Variants in OPHN1 observed in about 807,000 individuals in gnomAD.
OPHN1 encodes the protein oligophrenin-1.
OPHN1 carries 11 observed loss-of-function variants against 60.7 expected under a neutral mutation model. The ratio of observed to expected loss-of-function variants is 0.18; its 90% CI spans 0.11 to 0.30. The LOEUF is 0.30. OPHN1 is among the 10% of genes least tolerant of loss of function. The pLI is 1.00. For synonymous variants in OPHN1, 226 were observed against 222.6 expected (o/e 1.02, Z -0.14); for missense variants, 449 against 611.0 (o/e 0.73, Z 2.80).
At chrX:68,237,038 T>C (rs992513142) in intron 5 of OPHN1, among the ~76,000 whole-genome samples, 3 of 112,142 alleles carry the variant, frequency 2.7e-5, no homozygotes, top group African/African-American at 9.7e-5. Flanking sequence ...CAGGCTGGAG[T>C]GCAGCAGTGC....
At chrX:68,114,321 T>C (rs1231413116) in intron 16 of OPHN1, among the ~76,000 whole-genome samples, 1 of 111,554 alleles carries the variant, frequency 9.0e-6, no homozygotes, top group South Asian at 3.8e-4. Flanking sequence ...AACTGAGGCC[T>C]AGAGAAGTTA....
intron 21 of OPHN1, among the ~76,000 whole-genome samples, chrX:68,056,938 T>C (rs1367344030): frequency 8.9e-6 from 1 of 111,848 alleles, no homozygotes; most frequent in African/African-American, 3.3e-5. Context: ...ACTGGCAAAA[T>C]TTTTTTAGCT....
intron 2 of OPHN1, among the ~76,000 whole-genome samples, chrX:68,328,310 A>G (rs1161157385): frequency 9.3e-6 from 1 of 107,372 alleles, no homozygotes; most frequent in Non-Finnish European, 1.9e-5. Flanking sequence ...TTGTATTTTT[A>G]GTAGAGACAG....
intron 11 of OPHN1, among the ~76,000 whole-genome samples, chrX:68,200,313 T>C (rs1941449681): frequency 9.0e-6 from 1 of 111,553 alleles, no homozygotes; most frequent in Non-Finnish European, 1.9e-5. Flanking sequence ...CATTCTAGGA[T>C]AAGAAAAAAA....
At chrX:68,206,785 C>A in intron 9 of OPHN1, 112 bp from the exon 10 acceptor site, 1 of 594,218 alleles carries the variant, frequency 1.7e-6, no homozygotes, top group Non-Finnish European at 2.8e-6. Context: ...AACTTCAGAT[C>A]CAGCCCTGCC....
At chrX:68,260,907 C>T (rs184554640) in intron 5 of OPHN1, among the ~76,000 whole-genome samples, 1 of 111,784 alleles carries the variant, frequency 8.9e-6, no homozygotes, top group East Asian at 2.8e-4. Context: ...ACACCTTTGT[C>T]TTCATCTACA....
At chrX:68,218,174 T>G (rs1313980673) in intron 6 of OPHN1, among the ~76,000 whole-genome samples, 19 of 97,078 alleles carry the variant, frequency 2.0e-4, no homozygotes, top group African/African-American at 6.5e-4. Context: ...GAAGAAAGGG[T>G]ATCAGCGATG....
At chrX:68,392,411 G>C (rs1178181335) in intron 2 of OPHN1, among the ~76,000 whole-genome samples, 2 of 110,677 alleles carry the variant, frequency 1.8e-5, no homozygotes, top group Non-Finnish European at 3.8e-5. Flanking sequence ...AAAGTTATAA[G>C]GAGATTTTTT....
chrX:68,057,443 CAGTAATTGTAA>C (rs1453768672), intron 21 of OPHN1, among the ~76,000 whole-genome samples: 2 of 111,026 alleles, frequency 1.8e-5, no homozygotes, highest in African/African-American at 6.6e-5. Flanking sequence ...GAGGGGAAGG[CAGTAATTGTAA>C]AGAAATGATA....
At chrX:68,345,107 A>G (rs1336802012) in intron 2 of OPHN1, among the ~76,000 whole-genome samples, 3 of 112,347 alleles carry the variant, frequency 2.7e-5, no homozygotes, top group Non-Finnish European at 5.6e-5. Flanking sequence ...GTGGAGTACA[A>G]ATTGTAATTT....
rs188657913 is a variant in OPHN1 at position 68,092,004 on chromosome X, T to A, written c.1686+4866A>T. Among the ~76,000 whole-genome samples, 32 of 111,387 alleles carry A rather than the reference T, an allele frequency of 2.9e-4. No individual in the cohort carries two copies. The East Asian group carries it at 7.6e-3, about 26-fold the overall frequency. On this transcript the variant is annotated intron_variant, in intron 19 of 24. Coordinates refer to ENST00000355520, the MANE Select transcript of OPHN1 (RefSeq NM_002547.3). ...GATCATTCAAGTTGTTAAAAAAAAA[T>A]TTTAAGCAAGACTTAGTAATAGACT...
chrX:68,171,543 C>T (rs1016522911), intron 15 of OPHN1, among the ~76,000 whole-genome samples: 3 of 110,749 alleles, frequency 2.7e-5, no homozygotes, highest in African/African-American at 9.8e-5. Context: ...CAAGACTAGC[C>T]TGGCCAACAT....
chrX:68,215,276 T>C (rs905061510), intron 6 of OPHN1, among the ~76,000 whole-genome samples: 4 of 109,830 alleles, frequency 3.6e-5, no homozygotes. Context: ...GAAACTGAAA[T>C]GCAAAGAGAA....
chrX:68,104,749 C>T (rs187909766), intron 18 of OPHN1, among the ~76,000 whole-genome samples: 5 of 111,592 alleles, frequency 4.5e-5, no homozygotes, highest in Non-Finnish European at 7.5e-5. Context: ...CATAGGCATG[C>T]GCAATGACTT....
At chrX:68,103,942 T>G (rs979612658) in intron 18 of OPHN1, among the ~76,000 whole-genome samples, 2 of 111,672 alleles carry the variant, frequency 1.8e-5, no homozygotes, top group African/African-American at 3.3e-5. Flanking sequence ...CAGCCCAAAA[T>G]CTCCTTAAGC....
Position 68,343,195 on chromosome X carries a change from A to C in OPHN1, c.155-44099T>G, listed in dbSNP as rs1250556412. Among the ~76,000 whole-genome samples, 27 of 103,934 alleles carry C rather than the reference A, an allele frequency of 2.6e-4. No homozygotes were observed. In the Admixed American group the frequency reaches 2.9e-3, roughly 11 times the overall value. The allele number at this position is 103,934 out of a possible 115,157, so 90.3% of individuals were successfully genotyped here. A position where few individuals can be genotyped will look rare whatever the true frequency, so the allele number is the denominator to read the frequency against. ...AGGCTGAAGCAGGAGAATCGCTTGAACCCAGGAGGTGGAGGTTACAGTGAG... is the reference window on the plus strand; with the variant it reads ...AGGCTGAAGCAGGAGAATCGCTTGACCCCAGGAGGTGGAGGTTACAGTGAG... On this transcript the variant is annotated intron_variant, in intron 2 of 24. Transcript: ENST00000355520.
chrX:68,217,628 C>G, intron 6 of OPHN1, among the ~76,000 whole-genome samples: 1 of 109,815 alleles, frequency 9.1e-6, no homozygotes, highest in Non-Finnish European at 1.9e-5. Flanking sequence ...ACCCCTGACC[C>G]CCAAGCAGCC....
chrX:68,399,947 T>C (rs1322833690), intron 2 of OPHN1, among the ~76,000 whole-genome samples: 2 of 109,496 alleles, frequency 1.8e-5, no homozygotes, highest in African/African-American at 6.6e-5. Context: ...CGCCTCAGCC[T>C]TCTGAGTAGC....
intron 2 of OPHN1, among the ~76,000 whole-genome samples, chrX:68,343,686 A>G (rs1241697259): frequency 9.1e-6 from 1 of 110,450 alleles, no homozygotes; most frequent in African/African-American, 3.3e-5. Flanking sequence ...GGGGATGATA[A>G]TGAAAAAAAA....
Sources: allele counts gnomAD v4.1 joint callset (sites outside exome capture counted in the v4.1 genomes callset), GRCh38; gene constraint gnomAD v4.1.1; transcripts MANE v1.5; gene names NCBI Gene and HGNC (gene_info 2026-07-23, HGNC 2026-07-21).